TNKS: variants seen among roughly 807,000 people sequenced by gnomAD.
TNKS encodes the protein poly [ADP-ribose] polymerase tankyrase-1.
Under a neutral mutation model 135.8 loss-of-function variants are expected in TNKS, and 72 were observed. The observed-to-expected ratio is 0.53, with a 90% CI of 0.44 to 0.64. The LOEUF is 0.64. Ranked by LOEUF, TNKS falls within the 30% of genes least tolerant of loss-of-function variation. TNKS has a pLI of 0.00. For synonymous variants in TNKS, 849 were observed against 649.3 expected, an observed-to-expected ratio of 1.31 and a Z score of -4.68; for missense variants, 1,769 against 1,674.0, an observed-to-expected ratio of 1.06 and a Z score of -0.99.
In TNKS at chr8:9,751,744, A is replaced by G. The variant is rs1806546486; in HGVS notation, c.2968A>G (p.Ser990Gly). ...ASTPSCLSAASSIDNLTGPLA... is the reference protein window; with the variant it reads ...ASTPSCLSAAGSIDNLTGPLA... ...CACCCCCTCCTGCCTCTCGGCTGCC[A>G]GCAGCATAGACAACCTCACTGGCCC... Residue 990 changes from serine (S) to glycine (G), a missense_variant, in exon 19 of 27, where the codon AGC becomes GGC. This residue lies in a region of TNKS where 722 missense variants were observed against 688.9 expected (regional missense o/e 1.05). Coordinates refer to ENST00000310430, the MANE Select transcript of TNKS (RefSeq NM_003747.3). 1 of 1,614,080 alleles carries G rather than the reference A, an allele frequency of 6.2e-7. No homozygotes were observed.
At chr8:9,571,931 C>T (rs993343252) in intron 1 of TNKS, among the ~76,000 whole-genome samples, 2 of 152,088 alleles carry the variant, frequency 1.3e-5, no homozygotes, top group Non-Finnish European at 2.9e-5. Context: ...TTGCTTATTC[C>T]TTAGATCTTA....
intron 3 of TNKS, among the ~76,000 whole-genome samples, chr8:9,654,256 A>G (rs1801260664): frequency 6.6e-6 from 1 of 152,222 alleles, no homozygotes; most frequent in Non-Finnish European, 1.5e-5. Flanking sequence ...AGATTCTAAC[A>G]GGCATTTGGC....
chr8:9,660,603 A>G lies in TNKS; in HGVS notation c.995-19348A>G, dbSNP rs931094954. ...GACGTATCTCAAAATAATAAGAGCT[A>G]TCTATGACAAACCCACAGCCAATAT... is the stretch of plus-strand genomic sequence containing the variant. On this transcript the variant is annotated intron_variant, in intron 3 of 26. Coordinates refer to ENST00000310430, the MANE Select transcript of TNKS (RefSeq NM_003747.3). Among the ~76,000 whole-genome samples the G allele has an allele frequency of 5.9e-5, 9 of 152,234 alleles. 1 individual carries two copies. Among genetic ancestry groups the G allele is most frequent in the Non-Finnish European group, 1.0e-4 (7 of 68,044 alleles).
chr8:9,612,020 C>A (rs1165008827), intron 2 of TNKS, among the ~76,000 whole-genome samples: 1 of 152,036 alleles, frequency 6.6e-6, no homozygotes, highest in Non-Finnish European at 1.5e-5. Context: ...CGTAATGCTT[C>A]AGGTCTTTGG....
At chr8:9,746,372 G>A (rs1282716479) in intron 17 of TNKS, among the ~76,000 whole-genome samples, 1 of 152,090 alleles carries the variant, frequency 6.6e-6, no homozygotes, top group African/African-American at 2.4e-5. Context: ...AAGGATTTTT[G>A]GGAAGAAGCT....
chr8:9,780,240 G>A lies in TNKS; in HGVS notation c.*3504G>A, dbSNP rs765239487. On this transcript the variant is annotated 3_prime_UTR_variant, in exon 27 of 27. Transcript: ENST00000310430. ...GTGCACTATCTGGATTCCTGTAAAT[G>A]GCCTTGCAAACAGAAGTGGTGTGTA... The A allele has an allele frequency of 4.0e-5, 6 of 149,194 alleles. No homozygotes were observed. The highest frequency in any genetic ancestry group is 8.9e-5 in the Non-Finnish European group (6 of 67,600). The allele number at this position is 149,194 out of a possible 1,614,324, so 9.2% of individuals were successfully genotyped here.
chr8:9,574,749 C>A (rs548872373), intron 1 of TNKS, among the ~76,000 whole-genome samples: 125 of 152,032 alleles, frequency 8.2e-4, no homozygotes, highest in Non-Finnish European at 1.4e-3. Flanking sequence ...GATTTTTTAG[C>A]CTTTTTTGTT....
chr8:9,723,544 T>A (rs927865459), intron 12 of TNKS, among the ~76,000 whole-genome samples: 1 of 152,324 alleles, frequency 6.6e-6, no homozygotes, highest in East Asian at 1.9e-4. Context: ...CTAACATCAA[T>A]GTAAAGAAAA....
chr8:9,765,611 C>A, intron 23 of TNKS, 81 bp from the exon 24 acceptor site: 1 of 1,236,706 alleles, frequency 8.1e-7, no homozygotes, highest in South Asian at 1.3e-5. Flanking sequence ...TTGAACCTTC[C>A]TAAAAGGAAA....
chr8:9,769,186 T>C (rs184667319), intron 25 of TNKS, among the ~76,000 whole-genome samples: 68 of 152,314 alleles, frequency 4.5e-4, no homozygotes, highest in African/African-American at 1.6e-3. Flanking sequence ...ACAGACTATA[T>C]GTAAATGAAT....
At chr8:9,710,364 A>G (rs1195244429) in intron 11 of TNKS, 144 bp downstream of exon 11, 3 of 723,176 alleles carry the variant, frequency 4.1e-6, no homozygotes, top group African/African-American at 1.8e-5. Flanking sequence ...GGATTCTCCT[A>G]TAAAGCTGAT....
intron 3 of TNKS, among the ~76,000 whole-genome samples, chr8:9,657,595 C>T (rs1447443587): frequency 1.4e-4 from 12 of 83,140 alleles, no homozygotes; most frequent in South Asian, 6.0e-4. Context: ...GCTGGCCGGG[C>T]GGAGGGCTGA....
At position 9,624,038 on chromosome 8, in the gene TNKS, CAAA is replaced by C. The variant is rs374438018; in HGVS notation, c.994+8365_994+8367del. Among the ~76,000 whole-genome samples, 280 of 152,040 alleles carry C rather than the reference CAAA, an allele frequency of 1.8e-3. 1 individual carries two copies. The highest frequency in any genetic ancestry group is 6.4e-3 in the African/African-American group (267 of 41,518). On this transcript the variant is annotated intron_variant, in intron 3 of 26. Transcript: ENST00000310430. ...GGAAAAACAACAACAACAACAACAACAAAAAACAACTAACTTTCTGTTTGGATA... is the reference window on the plus strand; with the variant it reads ...GGAAAAACAACAACAACAACAACAACAAACAACTAACTTTCTGTTTGGATA...
At chr8:9,602,012 G>T (rs1290302854) in intron 2 of TNKS, among the ~76,000 whole-genome samples, 2 of 152,034 alleles carry the variant, frequency 1.3e-5, no homozygotes, top group Non-Finnish European at 2.9e-5. Flanking sequence ...TCTCAAGCAG[G>T]GACAGTTTTA....
intron 2 of TNKS, among the ~76,000 whole-genome samples, chr8:9,597,634 G>C (rs1798840668): frequency 6.6e-6 from 1 of 151,984 alleles, no homozygotes; most frequent in Non-Finnish European, 1.5e-5. Context: ...AATAGCAGGG[G>C]TATCGTGGTT....
At chr8:9,683,202 T>G (rs1350007758) in intron 5 of TNKS, among the ~76,000 whole-genome samples, 1 of 152,000 alleles carries the variant, frequency 6.6e-6, no homozygotes, top group Non-Finnish European at 1.5e-5. Context: ...ATGTTCTGGG[T>G]GCTAATGGAG....
At chr8:9,634,533 A>T (rs1247175916) in intron 3 of TNKS, among the ~76,000 whole-genome samples, 1 of 152,306 alleles carries the variant, frequency 6.6e-6, no homozygotes, top group East Asian at 1.9e-4. Flanking sequence ...CAACTATTTT[A>T]TGTATGTTGT....
At chr8:9,731,392 G>A (rs1487939165) in intron 14 of TNKS, among the ~76,000 whole-genome samples, 1 of 148,792 alleles carries the variant, frequency 6.7e-6, no homozygotes, top group Non-Finnish European at 1.5e-5. Context: ...CCCGGGAGGT[G>A]GAGGTTGCAG....
chr8:9,625,974 T>C (rs1048662821), intron 3 of TNKS, among the ~76,000 whole-genome samples: 2 of 152,196 alleles, frequency 1.3e-5, no homozygotes, highest in African/African-American at 4.8e-5. Context: ...ATTTTCTGTC[T>C]GGTTGTTCTA....
Sources: gnomAD v4.1 joint callset for allele counts (sites outside exome capture counted in the v4.1 genomes callset) on GRCh38, gnomAD v4.1.1 for gene constraint, gnomAD v4.1.1 regional missense constraint, MANE v1.5 for transcripts, NCBI Gene and HGNC (gene_info 2026-07-23, HGNC 2026-07-21) for gene names.